Variants in COL24A1 observed in about 807,000 individuals in gnomAD.
COL24A1 encodes collagen alpha-1(XXIV) chain.
A neutral mutation model predicts 253.9 loss-of-function variants in COL24A1; 224 were observed. The ratio of observed to expected loss-of-function variants is 0.88; its 90% CI spans 0.79 to 0.99. The LOEUF (loss-of-function observed/expected upper bound fraction) is 0.99. Among genes scored for constraint, COL24A1 ranks in the 50% least tolerant of loss-of-function variants. COL24A1 has a pLI of 0.00. For missense variants in COL24A1, 2,131 were observed against 2,068.5 expected (o/e 1.03, Z -0.59); for synonymous variants, 685 against 673.7 (o/e 1.02, Z -0.26).
At chr1:86,046,906 A>AT (rs768302610) in intron 11 of COL24A1, 37 bp from the exon 12 acceptor site, 3 of 1,138,004 alleles carry the variant, frequency 2.6e-6, no homozygotes, top group Non-Finnish European at 2.7e-6. Context: ...TATTTGTTGA[A>AT]TGAATGAATT....
chr1:85,827,629 A>G (rs1024410351), intron 43 of COL24A1, among the ~76,000 whole-genome samples: 8 of 152,020 alleles, frequency 5.3e-5, no homozygotes, highest in Non-Finnish European at 1.2e-4. Flanking sequence ...TCAGAGATTC[A>G]ACTTCTTCCT....
At chr1:85,779,149 G>A (rs1031547831) in intron 52 of COL24A1, among the ~76,000 whole-genome samples, 8 of 151,856 alleles carry the variant, frequency 5.3e-5, no homozygotes, top group African/African-American at 1.9e-4. Context: ...AGGGCTTATA[G>A]GCATGTACCA....
intron 24 of COL24A1, among the ~76,000 whole-genome samples, chr1:85,945,722 A>T (rs1289828945): frequency 6.6e-6 from 1 of 150,554 alleles, no homozygotes; most frequent in Non-Finnish European, 1.5e-5. Flanking sequence ...AGATGAAGGG[A>T]CCCACCTTCA....
intron 7 of COL24A1, among the ~76,000 whole-genome samples, chr1:86,081,252 C>A (rs561495011): frequency 6.6e-6 from 1 of 152,208 alleles, no homozygotes; most frequent in South Asian, 2.1e-4. Context: ...CAATTCCCAA[C>A]ATTTTATCCT....
Position 85,949,170 on chromosome 1 carries a change from CT to C in COL24A1, c.2562+12078del, listed in dbSNP as rs567810185. ...AAATCATAGTTAGACATGATTGTCA[CT>C]TTTTCATTCAACAAATATTTATTGA... On this transcript the variant is annotated intron_variant, in intron 24 of 59. Transcript: ENST00000370571. Among the ~76,000 whole-genome samples the C allele has an allele frequency of 1.8e-4, 28 of 152,178 alleles. No individual in the cohort carries two copies. The South Asian group carries it at 5.4e-3, about 29-fold the overall frequency.
rs1558508556 is a variant in COL24A1 at position 85,880,221 on chromosome 1, G to A, written c.2977-3046C>T. On this transcript the variant is annotated intron_variant, in intron 32 of 59. Coordinates refer to ENST00000370571, the MANE Select transcript of COL24A1 (RefSeq NM_152890.7). ...TAAAAGTTTACCTCATATAGATCTTGTATATATTTTGTTAGAGTTACAACT... is the reference window on the plus strand; with the variant it reads ...TAAAAGTTTACCTCATATAGATCTTATATATATTTTGTTAGAGTTACAACT... Among the ~76,000 whole-genome samples, 6 of 152,082 alleles carry A rather than the reference G, an allele frequency of 3.9e-5. No homozygotes were observed. In the South Asian group the frequency reaches 1.2e-3, roughly 32 times the overall value.
chr1:85,808,740 G>A (rs1350423647), intron 47 of COL24A1, among the ~76,000 whole-genome samples: 2 of 152,230 alleles, frequency 1.3e-5, no homozygotes, highest in East Asian at 3.8e-4. Context: ...CACCCAATGG[G>A]TTCTCCCTGC....
chr1:86,100,791 G>A (rs1704381655), intron 5 of COL24A1, among the ~76,000 whole-genome samples: 1 of 152,150 alleles, frequency 6.6e-6, no homozygotes, highest in Non-Finnish European at 1.5e-5. Flanking sequence ...AAGAGCTTCT[G>A]TTGGTGAACA....
At chr1:86,129,875 G>C (rs1417982505) in intron 2 of COL24A1, among the ~76,000 whole-genome samples, 1 of 151,674 alleles carries the variant, frequency 6.6e-6, no homozygotes, top group African/African-American at 2.4e-5. Flanking sequence ...ATACATACCA[G>C]TTAGTTGTAC....
chr1:85,946,091 C>T (rs1689296447), intron 24 of COL24A1, among the ~76,000 whole-genome samples: 1 of 152,154 alleles, frequency 6.6e-6, no homozygotes, highest in Non-Finnish European at 1.5e-5. Context: ...ATGCTAAACA[C>T]TTGTTTTCCC....
intron 2 of COL24A1, among the ~76,000 whole-genome samples, chr1:86,128,547 C>A (rs1432688989): frequency 6.6e-6 from 1 of 151,932 alleles, no homozygotes; most frequent in African/African-American, 2.4e-5. Flanking sequence ...AAGAACATCT[C>A]CCCTTGCATT....
intron 2 of COL24A1, among the ~76,000 whole-genome samples, chr1:86,127,525 TAAAA>T (rs1410626887): frequency 2.0e-5 from 3 of 152,026 alleles, no homozygotes; most frequent in Non-Finnish European, 4.4e-5. Flanking sequence ...AAATATCACT[TAAAA>T]AGAATGACAA....
chr1:86,054,076 A>C (rs1422446468), intron 10 of COL24A1, among the ~76,000 whole-genome samples: 2 of 152,136 alleles, frequency 1.3e-5, no homozygotes, highest in African/African-American at 4.8e-5. Context: ...GTGCTGGAAA[A>C]CTTGCTAACC....
intron 47 of COL24A1, among the ~76,000 whole-genome samples, chr1:85,789,278 C>T (rs1447363815): frequency 2.0e-5 from 3 of 152,070 alleles, no homozygotes; most frequent in Non-Finnish European, 4.4e-5. Flanking sequence ...CCTTTATTTC[C>T]CTTGTTAGCT....
rs1372789258 is a variant in COL24A1, at chr1:85,748,746, C to G, written c.4438-3240G>C. On this transcript the variant is annotated intron_variant, in intron 55 of 59. Coordinates refer to ENST00000370571, the MANE Select transcript of COL24A1 (RefSeq NM_152890.7). ...GAAGCGCAAGGGGTCAGGGAGTTCC[C>G]TTTCCGAGTCAAAGAAAGGGGTGAC... Among the ~76,000 whole-genome samples, 6 of 132,924 alleles carry G rather than the reference C, an allele frequency of 4.5e-5. No homozygotes were observed. In the Admixed American group the frequency reaches 4.6e-4, roughly 10 times the overall value. 87.2% of individuals were successfully genotyped at this position (132,924 alleles called of 152,430 possible). A position where few individuals can be genotyped will look rare whatever the true frequency, so the allele number is the denominator to read the frequency against.
intron 24 of COL24A1, among the ~76,000 whole-genome samples, chr1:85,945,014 T>TTTTTTTTG (rs1689157269): frequency 4.8e-5 from 4 of 84,122 alleles, no homozygotes; most frequent in East Asian, 3.9e-4. Flanking sequence ...TTTTTTTTTT[T>TTTTTTTTG]TTTTTTTTTT....
chr1:85,925,201 T>C (rs1414412337), intron 24 of COL24A1, among the ~76,000 whole-genome samples: 1 of 152,222 alleles, frequency 6.6e-6, no homozygotes, highest in Admixed American at 6.5e-5. Flanking sequence ...GAACATTCCA[T>C]GCTCATGGAC....
Position 86,125,570 on chromosome 1 carries a change from A to C in COL24A1, c.766T>G (p.Cys256Gly). The stretch of plus-strand genomic sequence containing the variant: ...ATCTTTGTTGGTATGAGAGTTGTAC[A>C]AGGAATGCTTGTTTCAGGTTGGTAT... ...DKYQPETSIP[C>G]TTLIPTKIPE... The change falls in exon 3 of 60, where the codon TGT becomes GGT. Residue 256 changes from cysteine to glycine, a missense_variant. Coordinates refer to ENST00000370571, the MANE Select transcript of COL24A1 (RefSeq NM_152890.7). The C allele has an allele frequency of 6.2e-7, 1 of 1,613,536 alleles. No homozygotes were observed. The highest frequency in any genetic ancestry group is 1.1e-5 in the South Asian group (1 of 91,062).
In COL24A1 at chr1:85,842,091, A is replaced by G. The variant is rs1676672578; in HGVS notation, c.3547T>C (p.Leu1183=). The change falls in exon 41 of 60, where the codon TTG becomes CTG. Residue 1183 remains leucine (L), a synonymous_variant. Coordinates refer to ENST00000370571, the MANE Select transcript of COL24A1 (RefSeq NM_152890.7). The stretch of plus-strand genomic sequence containing the variant: ...ACCTTTTCTCCTTTAGGTCCTGGCA[A>G]TCCAGAGGGTCCTGGTTGGCCCTGA... ...GHQGQPGPSG[L]PGPKGEKGYP... is the part of the protein sequence containing the mutation. 6.2e-7 allele frequency: 1 copy of G among 1,613,736 alleles called. No homozygotes were observed. Among genetic ancestry groups the G allele is most frequent in the African/African-American group, 1.3e-5 (1 of 74,944 alleles).
Sources: allele counts gnomAD v4.1 joint callset (sites outside exome capture counted in the v4.1 genomes callset), GRCh38; gene constraint gnomAD v4.1.1; transcripts MANE v1.5; gene names NCBI Gene and HGNC (gene_info 2026-07-23, HGNC 2026-07-21).